Variants in KDM5B observed in about 807,000 individuals in gnomAD.
The protein encoded by KDM5B is lysine-specific demethylase 5B.
KDM5B carries 144 observed loss-of-function variants against 193.4 expected under a neutral mutation model. The observed-to-expected ratio is 0.74, with a 90% confidence interval of 0.65 to 0.86. The LOEUF (loss-of-function observed/expected upper bound fraction) is 0.86. KDM5B is among the 40% of genes least tolerant of loss of function. The probability of loss-of-function intolerance (pLI) is 0.00; values close to 1 mark genes in which losing one functional copy is unlikely to be tolerated. For missense variants in KDM5B, 1,833 were observed against 1,886.9 expected (o/e 0.97, Z 0.53); for synonymous variants, 668 against 682.6 (o/e 0.98, Z 0.33).
In KDM5B at chr1:202,746,331, A is replaced by G. The variant is rs1469319738; in HGVS notation, c.2017-8T>C. 10 of 1,592,584 alleles carry G rather than the reference A, an allele frequency of 6.3e-6. No individual in the cohort carries two copies. The South Asian group carries it at 9.1e-5, about 14-fold the overall frequency. ...TTCCGAATCAATCACTCCCTAGAAT[A>G]AAGTATACTTTAGAGAGACCTCCAA... On this transcript the variant is annotated splice_polypyrimidine_tract_variant and splice_region_variant and intron_variant, in intron 14 of 26. Coordinates refer to ENST00000367265, the MANE Select transcript of KDM5B (RefSeq NM_006618.5).
intron 1 of KDM5B, among the ~76,000 whole-genome samples, chr1:202,805,554 C>T (rs35232875): frequency 0.056 from 8,558 of 152,264 alleles, 354 homozygotes; most frequent in Middle Eastern, 0.13. Flanking sequence ...TCCAATTCCC[C>T]TTCTAATATA....
chr1:202,776,831 C>T (rs983793826), intron 2 of KDM5B, among the ~76,000 whole-genome samples, 186 bp downstream of exon 2: 6 of 152,178 alleles, frequency 3.9e-5, no homozygotes, highest in African/African-American at 1.4e-4. Flanking sequence ...GTGTGAGCCA[C>T]CATGCCTAGC....
At chr1:202,779,545 C>T (rs1210623015) in intron 1 of KDM5B, among the ~76,000 whole-genome samples, 1 of 151,356 alleles carries the variant, frequency 6.6e-6, no homozygotes, top group East Asian at 2.0e-4. Context: ...CTGGCTCACA[C>T]CAGTAATCCC....
rs370762944 is a variant in KDM5B, at chr1:202,729,779, G to A, written c.4425C>T (p.Ser1475=). 3.9e-5 allele frequency: 63 copies of A among 1,613,892 alleles called. 1 individual carries two copies. In the South Asian group the frequency reaches 4.8e-4, roughly 12 times the overall value. The change falls in exon 26 of 27, where the codon TCC becomes TCT. Residue 1475 remains serine, a synonymous_variant. Transcript: ENST00000367265. The part of the protein sequence containing the change: ...THSLPSDTSY[S]EQEDSEDEDA... ...CTTCATCCTCAGAGTCTTCCTGTTC[G>A]GAATAGGATGTGTCTGAGGGCAGGG...
chr1:202,746,410 A>T, intron 14 of KDM5B, 87 bp from the exon 15 acceptor site: 3 of 192,226 alleles, frequency 1.6e-5, no homozygotes, highest in Non-Finnish European at 2.7e-5. Context: ...CTTGAGTCTG[A>T]AAAAAAAAAA....
chr1:202,804,873 A>G (rs1245623833), intron 1 of KDM5B, among the ~76,000 whole-genome samples: 1 of 152,008 alleles, frequency 6.6e-6, no homozygotes, highest in Admixed American at 6.5e-5. Flanking sequence ...CTCAAAAAAA[A>G]AAAAAAAAAG....
intron 1 of KDM5B, among the ~76,000 whole-genome samples, chr1:202,787,871 C>A (rs1231203902): frequency 6.7e-6 from 1 of 149,440 alleles, no homozygotes; most frequent in African/African-American, 2.5e-5. Flanking sequence ...CCAGCCTGGG[C>A]AACAGTGTGA....
rs369444528 is a variant in KDM5B at position 202,808,104 on chromosome 1, G to T, written c.202C>A (p.Pro68Thr). 52 of 1,610,058 alleles carry T rather than the reference G, an allele frequency of 3.2e-5. 1 individual carries two copies. The highest frequency in any genetic ancestry group is 1.7e-4 in the Admixed American group (10 of 59,818). ...QTGICKVRPP[P>T]DWQPPFACDV... Reference sequence around the variant, plus strand: ...TCCGGGGTGCTGGCGTGACTCACCGGCGGCGGCCGCACCTTACAGATGCCA... The same window carrying T: ...TCCGGGGTGCTGGCGTGACTCACCGTCGGCGGCCGCACCTTACAGATGCCA... The change falls in exon 1 of 27, where the codon CCG becomes ACG. Residue 68 changes from proline to threonine, a missense_variant and splice_region_variant. By Grantham distance (38) the Pro-to-Thr change is conservative. Around this residue, in one of 3 missense-constraint regions of KDM5B, gnomAD observed 355 missense variants for 374.9 expected, o/e 0.95. Coordinates refer to ENST00000367265, the MANE Select transcript of KDM5B (RefSeq NM_006618.5).
intron 1 of KDM5B, among the ~76,000 whole-genome samples, chr1:202,779,733 G>A (rs957238188): frequency 6.6e-6 from 1 of 151,704 alleles, no homozygotes; most frequent in Admixed American, 6.6e-5. Context: ...AACCCAGGAG[G>A]TGGAGGTCGC....
intron 10 of KDM5B, 32 bp downstream of exon 10, chr1:202,756,326 T>C: frequency 1.9e-6 from 3 of 1,540,578 alleles, no homozygotes; most frequent in Non-Finnish European, 1.8e-6. Flanking sequence ...TTTCAATAAA[T>C]ACCTCAATTT....
chr1:202,769,379 A>C (rs1328849997), intron 4 of KDM5B, among the ~76,000 whole-genome samples: 3 of 150,942 alleles, frequency 2.0e-5, no homozygotes, highest in Non-Finnish European at 3.0e-5. Context: ...TTACATTCTG[A>C]AAAAAGTTGG....
Position 202,808,158 on chromosome 1 carries a change from G to A in KDM5B, c.148C>T (p.His50Tyr), listed in dbSNP as rs1192812995. 1 of 1,613,232 alleles carries A rather than the reference G, an allele frequency of 6.2e-7. No individual in the cohort carries two copies. The highest frequency in any genetic ancestry group is 1.1e-5 in the South Asian group (1 of 91,068). Residue 50 changes from histidine (H) to tyrosine (Y), a missense_variant, in exon 1 of 27, where the codon CAC (histidine) becomes TAC (tyrosine). This residue lies in a region of KDM5B where 355 missense variants were observed against 374.9 expected (regional missense o/e 0.95). Coordinates refer to ENST00000367265, the MANE Select transcript of KDM5B (RefSeq NM_006618.5). ...EEFADPFAFI[H>Y]KIRPIAEQTG... The stretch of plus-strand genomic sequence containing the variant: ...TGCTCGGCTATGGGCCGGATCTTGT[G>A]GATGAAAGCGAAGGGGTCCGCGAAC...
rs1054898398 is a variant in KDM5B, at chr1:202,803,460, T to C, written c.204+4642A>G. ...GCTACTAATGTGCCCAATTTACCAC[T>C]GGCAAAGTCAAATTTAGCTAAACAC... On this transcript the variant is annotated intron_variant, in intron 1 of 26. Transcript: ENST00000367265. Among the ~76,000 whole-genome samples the C allele has an allele frequency of 1.3e-5, 2 of 152,218 alleles. 1 individual carries two copies. Among genetic ancestry groups the C allele is most frequent in the South Asian group, 4.1e-4 (2 of 4,832 alleles).
At position 202,735,593 on chromosome 1, in the gene KDM5B, G is replaced by A. The variant is rs774071388; in HGVS notation, c.3265-6C>T. ...TCACATCGAGGACACAGCACCTAAT[G>A]TGGGACAAGGCACAACCAATGGTAA... On this transcript the variant is annotated splice_polypyrimidine_tract_variant and splice_region_variant and intron_variant, in intron 21 of 26. Transcript: ENST00000367265. 17 of 1,612,646 alleles carry A rather than the reference G, an allele frequency of 1.1e-5. No homozygotes were observed. The highest frequency in any genetic ancestry group is 1.4e-5 in the Non-Finnish European group (17 of 1,178,962).
rs780398289 is a variant in KDM5B at position 202,756,411 on chromosome 1, C to T, written c.1303G>A (p.Gly435Ser). 64 of 1,613,532 alleles carry T rather than the reference C, an allele frequency of 4.0e-5. No individual in the cohort carries two copies. The highest frequency in any genetic ancestry group is 5.9e-6 in the Non-Finnish European group (7 of 1,179,780). The change falls in exon 10 of 27, where the codon GGC becomes AGC. Residue 435 changes from glycine to serine, a missense_variant. Gly to Ser is a moderately conservative substitution (Grantham distance 56). Transcript: ENST00000367265. ...CCATCTCGGACAGGAAAGCCACTGC[C>T]AAATTCCTTTGAGGCAATGTCAGCT... ...YGADIASKEF[G>S]SGFPVRDGKI...
chr1:202,773,073 A>G (rs757536179), intron 4 of KDM5B, 45 bp downstream of exon 4: 2 of 1,289,426 alleles, frequency 1.6e-6, no homozygotes, highest in Non-Finnish European at 2.2e-6. Context: ...CAATGTACCA[A>G]TAAGTAGTAA....
chr1:202,743,588 A>G (rs989563919), intron 16 of KDM5B, among the ~76,000 whole-genome samples: 2 of 152,182 alleles, frequency 1.3e-5, no homozygotes, highest in African/African-American at 4.8e-5. Context: ...GTTGGGCTAC[A>G]GAAATGGAAG....
chr1:202,774,979 C>T (rs554959924), intron 2 of KDM5B, among the ~76,000 whole-genome samples: 11 of 152,210 alleles, frequency 7.2e-5, no homozygotes, highest in Admixed American at 5.9e-4. Flanking sequence ...CGGTGGCTCA[C>T]GTCTGTAATC....
chr1:202,745,962 T>C lies in KDM5B; in HGVS notation c.2219A>G (p.Asp740Gly). The C allele has an allele frequency of 1.9e-6, 3 of 1,613,982 alleles. No homozygotes were observed. The highest frequency in any genetic ancestry group is 1.7e-6 in the Non-Finnish European group (2 of 1,179,874). ...CAATGCATTCATCATAGGGTAGAGA[T>C]CATCCAGCGTGTACCTATACCTGGA... Reference protein sequence around the residue: ...YKLRYRYTLDDLYPMMNALKL... With the variant: ...YKLRYRYTLDGLYPMMNALKL... The change falls in exon 16 of 27, where the codon GAT (aspartate) becomes GGT (glycine). Residue 740 changes from aspartate (D) to glycine (G), a missense_variant. By Grantham distance (94) the Asp-to-Gly change is moderately conservative. Around this residue, in one of 3 missense-constraint regions of KDM5B, gnomAD observed 1,379 missense variants for 1,349.6 expected, o/e 1.02. Coordinates refer to ENST00000367265, the MANE Select transcript of KDM5B (RefSeq NM_006618.5).
Sources: allele counts gnomAD v4.1 joint callset (sites outside exome capture counted in the v4.1 genomes callset), GRCh38; gene constraint gnomAD v4.1.1; regional missense constraint gnomAD v4.1.1; transcripts MANE v1.5; gene names NCBI Gene and HGNC (gene_info 2026-07-23, HGNC 2026-07-21).